Variants in IGF2 observed in about 807,000 individuals in gnomAD.
IGF2 encodes the protein insulin like growth factor 2.
A neutral mutation model predicts 12.0 loss-of-function variants in IGF2; 2 were observed. The ratio of observed to expected loss-of-function variants is 0.17; its 90% CI spans 0.07 to 0.52. IGF2 has a LOEUF of 0.52. Ranked by LOEUF, IGF2 falls within the 20% of genes least tolerant of loss-of-function variation. The pLI is 0.95. For missense variants in IGF2, 211 were observed against 268.0 expected (o/e 0.79, Z 1.48); for synonymous variants, 105 against 110.1 (o/e 0.95, Z 0.29).
chr11:2,146,458 C>T, the IGF2 span: 1 of 526,024 alleles, frequency 1.9e-6, no homozygotes, highest in African/African-American at 1.9e-5. Flanking sequence ...GACTAAGGAC[C>T]CGAACTGCAA....
At position 2,132,064 on chromosome 11, in the gene IGF2, T is replaced by TGTGTGCTGTGTTCATGC. The variant is rs1217847837; in HGVS notation, c.*906_*922dup. ...CGTTTGTGTGTGTGCTGTGCTCGTG[T>TGTGTGCTGTGTTCATGC]GTGTGCTGTGTTCATGCGTGTGCTG... On this transcript the variant is annotated 3_prime_UTR_variant, in exon 4 of 4. Transcript: ENST00000416167. The TGTGTGCTGTGTTCATGC allele has an allele frequency of 3.3e-5, 7 of 214,400 alleles. No individual in the cohort carries two copies. The highest frequency in any genetic ancestry group is 6.8e-5 in the East Asian group (1 of 14,656). 13.3% of individuals were successfully genotyped at this position (214,400 alleles called of 1,614,324 possible).
At position 2,131,885 on chromosome 11, in the gene IGF2, TTTGTGTGTGCTGTGC is replaced by T. The variant is rs1858613079; in HGVS notation, c.*1087_*1101del. 6.2e-6 allele frequency: 1 copy of T among 161,794 alleles called. No individual in the cohort carries two copies. Among genetic ancestry groups the T allele is most frequent in the African/African-American group, 3.6e-5 (1 of 27,764 alleles). The allele number at this position is 161,794 out of a possible 1,614,324, so 10.0% of individuals were successfully genotyped here. ...GCTGTGTGTGCGTGTGTGCTGTGCG[TTTGTGTGTGCTGTGC>T]GTTTGTGTGTGTGCTGTGTGTGCAT... On this transcript the variant is annotated 3_prime_UTR_variant, in exon 4 of 4. Transcript: ENST00000416167.
Position 2,133,862 on chromosome 11 carries a change from AG to A in IGF2, c.158-198del, listed in dbSNP as rs1858802450. 6.6e-6 allele frequency among the ~76,000 whole-genome samples: 1 copy of A among 152,206 alleles called. No individual in the cohort carries two copies. The highest frequency in any genetic ancestry group is 1.5e-5 in the Non-Finnish European group (1 of 68,030). ...AAGAAGAGAGGTGAGAGGGGAGGTGAGTGGGACCCAGACCAGCCCGTGGCCT... is the reference window on the plus strand; with the variant it reads ...AAGAAGAGAGGTGAGAGGGGAGGTGATGGGACCCAGACCAGCCCGTGGCCT... On this transcript the variant is annotated intron_variant, in intron 2 of 3. Coordinates refer to ENST00000416167, the MANE Select transcript of IGF2 (RefSeq NM_000612.6). This position sits in a 1 kb window ranked among gnomAD's most constrained non-coding sequence, Gnocchi z 8.9.
chr11:2,147,498 A>G, the IGF2 span: 4 of 630,066 alleles, frequency 6.3e-6, no homozygotes, highest in East Asian at 1.4e-4. This position sits in a 1 kb window ranked among gnomAD's most constrained non-coding sequence, Gnocchi z 7.2. Flanking sequence ...GGGAGATCCC[A>G]GTTCGAAGAC....
Position 2,131,096 on chromosome 11 carries a change from C to A in IGF2, c.*1891G>T, listed in dbSNP as rs181654351. On this transcript the variant is annotated 3_prime_UTR_variant, in exon 4 of 4. Coordinates refer to ENST00000416167, the MANE Select transcript of IGF2 (RefSeq NM_000612.6). ...ATGGGGAGCATCGTGGCTCACGCTG[C>A]GGGGGCCGTGGGGACAGGCGCCAAG... is the stretch of plus-strand genomic sequence containing the variant. The A allele has an allele frequency of 8.6e-6, 2 of 232,244 alleles. No homozygotes were observed. Among genetic ancestry groups the A allele is most frequent in the Non-Finnish European group, 1.7e-5 (2 of 117,786 alleles). The allele number at this position is 232,244 out of a possible 1,614,324, so 14.4% of individuals were successfully genotyped here. A position where few individuals can be genotyped will look rare whatever the true frequency, so the allele number is the denominator to read the frequency against.
At chr11:2,141,687 C>T (rs1360392179), upstream of IGF2, among the ~76,000 whole-genome samples, 4 of 152,036 alleles carry the variant, frequency 2.6e-5, no homozygotes, top group South Asian at 2.1e-4. Context: ...GTGGCCTGGA[C>T]GCTGGCAGCA....
the IGF2 span, chr11:2,147,863 C>A: frequency 8.5e-7 from 1 of 1,178,566 alleles, no homozygotes; most frequent in Non-Finnish European, 1.1e-6. The surrounding 1 kb of genome is among the most constrained non-coding windows in gnomAD (Gnocchi z 7.2). Flanking sequence ...GCAAAGCCCC[C>A]CTCCCCATAC....
At chr11:2,134,120 G>C in intron 2 of IGF2, 1 of 514,148 alleles carries the variant, frequency 1.9e-6, no homozygotes, top group South Asian at 1.5e-5. Flanking sequence ...GCTGAGACAG[G>C]GAGACAAGGG....
chr11:2,149,182 CG>C, the IGF2 span: 3 of 1,613,252 alleles, frequency 1.9e-6, no homozygotes, highest in Non-Finnish European at 2.5e-6. Context: ...TAAAGAGGAC[CG>C]GGGAGTCACT....
At chr11:2,142,624 G>A (rs1859670206), upstream of IGF2, among the ~76,000 whole-genome samples, 1 of 152,168 alleles carries the variant, frequency 6.6e-6, no homozygotes, top group Non-Finnish European at 1.5e-5. This position sits in a 1 kb window ranked among gnomAD's most constrained non-coding sequence, Gnocchi z 5.7. Context: ...GGTCCAGTGT[G>A]ATCCTGGCCG....
chr11:2,131,886 T>TG lies in IGF2; in HGVS notation c.*1100_*1101insC, dbSNP rs1858613256. Reference sequence around the variant, plus strand: ...CTGTGTGTGCGTGTGTGCTGTGCGTTTGTGTGTGCTGTGCGTTTGTGTGTG... The same window carrying TG: ...CTGTGTGTGCGTGTGTGCTGTGCGTTGTGTGTGTGCTGTGCGTTTGTGTGTG... On this transcript the variant is annotated 3_prime_UTR_variant, in exon 4 of 4. Coordinates refer to ENST00000416167, the MANE Select transcript of IGF2 (RefSeq NM_000612.6). The TG allele has an allele frequency of 6.6e-6, 1 of 150,728 alleles. No individual in the cohort carries two copies. The highest frequency in any genetic ancestry group is 9.2e-5 in the East Asian group (1 of 10,868). The allele number at this position is 150,728 out of a possible 1,614,324, so 9.3% of individuals were successfully genotyped here. A position where few individuals can be genotyped will look rare whatever the true frequency, so the allele number is the denominator to read the frequency against.
chr11:2,135,577 C>T lies in IGF2; in HGVS notation c.-6-48G>A, dbSNP rs534558151. 7 of 1,572,762 alleles carry T rather than the reference C, an allele frequency of 4.5e-6. No homozygotes were observed. In the East Asian group the frequency reaches 1.4e-4, roughly 31 times the overall value. On this transcript the variant is annotated intron_variant, in intron 1 of 3. Transcript: ENST00000416167. ...GTGAGCGGGGCAGCCAGGCCAAGCC[C>T]CAGGCCAGAGGTGCCCCTCCCAAAC...
Position 2,133,479 on chromosome 11 carries a change from T to C in IGF2, c.306+38A>G. On this transcript the variant is annotated intron_variant, in intron 3 of 3. Coordinates refer to ENST00000416167, the MANE Select transcript of IGF2 (RefSeq NM_000612.6). The surrounding 1 kb of genome is among the most constrained non-coding windows in gnomAD (Gnocchi z 8.9). ...CTGGGCGCCCGAAGCCCTATTTCTC[T>C]GTCTCTAGAGAGTGGGAAAGGGGCC... 1 of 1,566,262 alleles carries C rather than the reference T, an allele frequency of 6.4e-7. No individual in the cohort carries two copies.
At chr11:2,138,085 T>C (rs1317283939) in intron 1 of IGF2, 144 bp downstream of exon 1, 1 of 340,896 alleles carries the variant, frequency 2.9e-6, no homozygotes, top group Non-Finnish European at 4.1e-6. Flanking sequence ...CTCCTCCTCC[T>C]CCTCCTCCTC....
upstream of IGF2, chr11:2,140,148 C>T: frequency 1.2e-6 from 2 of 1,613,084 alleles, no homozygotes; most frequent in Non-Finnish European, 1.7e-6. Flanking sequence ...CATGGCCGAG[C>T]TCACCGGGGT....
At chr11:2,146,134 G>C (rs1564904259), upstream of IGF2, 1 of 471,976 alleles carries the variant, frequency 2.1e-6, no homozygotes, top group Non-Finnish European at 4.2e-6. Flanking sequence ...CAAGGACTCA[G>C]ACTCACCCCA....
the IGF2 span, chr11:2,148,839 T>G: frequency 2.9e-5 from 13 of 449,488 alleles, no homozygotes; most frequent in East Asian, 8.1e-5. This position sits in a 1 kb window ranked among gnomAD's most constrained non-coding sequence, Gnocchi z 4.3. Flanking sequence ...ACCCCTCCCA[T>G]TTTGCTTGGT....
chr11:2,146,433 C>A, the IGF2 span: 2 of 532,748 alleles, frequency 3.8e-6, no homozygotes, highest in Non-Finnish European at 7.7e-6. Context: ...TCAGCCCGGC[C>A]GGCCTGGGAA....
chr11:2,136,460 AC>A (rs35981253), intron 1 of IGF2, among the ~76,000 whole-genome samples: 1 of 151,874 alleles, frequency 6.6e-6, no homozygotes, highest in Non-Finnish European at 1.5e-5. Context: ...CTTAGGACAC[AC>A]CCCCTCCACA....
Sources: allele counts gnomAD v4.1 joint callset (sites outside exome capture counted in the v4.1 genomes callset), GRCh38; gene constraint gnomAD v4.1.1; non-coding constraint Gnocchi (gnomAD v3.1); transcripts MANE v1.5; gene names NCBI Gene and HGNC (gene_info 2026-07-23, HGNC 2026-07-21).